The following PLXNA4 variants were observed in gnomAD, a reference collection of about 807,000 sequenced individuals.
The protein encoded by PLXNA4 is plexin-A4.
Under a neutral mutation model 191.8 loss-of-function variants are expected in PLXNA4, and 44 were observed. The ratio of observed to expected loss-of-function variants is 0.23; its 90% confidence interval spans 0.18 to 0.29. The LOEUF is 0.29. Ranked by LOEUF, PLXNA4 falls within the 10% of genes least tolerant of loss-of-function variation. PLXNA4 has a pLI of 1.00. For missense variants in PLXNA4, 1,800 were observed against 2,488.8 expected, an observed-to-expected ratio of 0.72 and a Z score of 5.89; for synonymous variants, 1,082 against 1,009.5, an observed-to-expected ratio of 1.07 and a Z score of -1.36.
intron 3 of PLXNA4, among the ~76,000 whole-genome samples, chr7:132,382,275 A>G (rs1194110789): frequency 1.3e-5 from 2 of 152,190 alleles, no homozygotes; most frequent in Non-Finnish European, 2.9e-5. Context: ...GACGCATTCC[A>G]GGCTCCAGCA....
At chr7:132,265,777 C>A (rs1004698191) in intron 4 of PLXNA4, among the ~76,000 whole-genome samples, 4 of 152,174 alleles carry the variant, frequency 2.6e-5, no homozygotes, top group Admixed American at 1.3e-4. Context: ...GCCAGCCACA[C>A]ACATGGGCAC....
At position 132,227,472 on chromosome 7, in the gene PLXNA4, G is replaced by A. The variant is rs533775501; in HGVS notation, c.1861C>T (p.Pro621Ser). The change falls in exon 7 of 32, where the codon CCC becomes TCC. Residue 621 changes from proline to serine, a missense_variant. Pro to Ser is a moderately conservative substitution (Grantham distance 74, BLOSUM62 -1). Around this residue, in one of 6 missense-constraint regions of PLXNA4, gnomAD observed 1,397 missense variants for 1,880.4 expected, o/e 0.74. Transcript: ENST00000321063. ...TCACCATTCTCTGTGATGATCCGGG[G>A]CACCTCCTTGGCTGCAGGGGAGTAG... ...QCYSPAAKEV[P>S]RIITENGDHH... The A allele has an allele frequency of 6.2e-7, 1 of 1,614,174 alleles. No homozygotes were observed.
At chr7:132,593,206 G>A (rs990282086) in intron 2 of PLXNA4, among the ~76,000 whole-genome samples, 2 of 152,202 alleles carry the variant, frequency 1.3e-5, no homozygotes, top group Non-Finnish European at 2.9e-5. Flanking sequence ...GACGCGCAGC[G>A]TGGGCTGTTG....
chr7:132,422,897 G>A (rs536933662), intron 3 of PLXNA4, among the ~76,000 whole-genome samples: 10 of 152,292 alleles, frequency 6.6e-5, no homozygotes, highest in East Asian at 5.8e-4. Context: ...CTAGCACCTC[G>A]GGAAACCTCT....
chr7:132,447,992 C>T (rs2117284512), intron 3 of PLXNA4, among the ~76,000 whole-genome samples: 1 of 152,254 alleles, frequency 6.6e-6, no homozygotes, highest in Admixed American at 6.5e-5. Context: ...GCCTGGACAA[C>T]AGATGGAGAT....
intron 1 of PLXNA4, among the ~76,000 whole-genome samples, chr7:132,560,824 A>G (rs919645459): frequency 1.3e-5 from 2 of 152,000 alleles, no homozygotes; most frequent in Non-Finnish European, 2.9e-5. Flanking sequence ...CTTCACCGCC[A>G]TATCCACCAT....
chr7:132,619,359 C>T (rs1803216319), intron 2 of PLXNA4, among the ~76,000 whole-genome samples: 1 of 152,094 alleles, frequency 6.6e-6, no homozygotes, highest in Admixed American at 6.5e-5. Context: ...CCATGCATAC[C>T]TGTCCAAAAA....
chr7:132,491,839 A>G (rs374666614), intron 2 of PLXNA4, among the ~76,000 whole-genome samples: 18 of 152,200 alleles, frequency 1.2e-4, no homozygotes, highest in African/African-American at 4.3e-4. Context: ...AAATAAGGAG[A>G]TGGGGAAGGA....
chr7:132,562,927 TC>T (rs1563175002), intron 1 of PLXNA4, among the ~76,000 whole-genome samples: 7 of 58,898 alleles, frequency 1.2e-4, no homozygotes, highest in Non-Finnish European at 2.0e-4. Context: ...CTCCTCCTCC[TC>T]TCCCTCCTCC....
chr7:132,282,608 C>T (rs1247299490), intron 4 of PLXNA4, among the ~76,000 whole-genome samples: 1 of 52,272 alleles, frequency 1.9e-5, no homozygotes, highest in Non-Finnish European at 3.6e-5. Flanking sequence ...GACCTTGTCT[C>T]AGAAAAAAAA....
At chr7:132,151,203 G>A (rs1413571829) in intron 25 of PLXNA4, among the ~76,000 whole-genome samples, 2 of 151,244 alleles carry the variant, frequency 1.3e-5, no homozygotes, top group African/African-American at 4.9e-5. Flanking sequence ...GAAAGAAGAA[G>A]AGAAGGAAGA....
intron 2 of PLXNA4, among the ~76,000 whole-genome samples, chr7:132,637,086 C>A (rs990823023): frequency 6.6e-5 from 10 of 152,158 alleles, no homozygotes; most frequent in Non-Finnish European, 1.5e-4. Context: ...AGATAGATGG[C>A]TCTAAAAGTC....
intron 1 of PLXNA4, among the ~76,000 whole-genome samples, chr7:132,510,166 G>A (rs1798651035): frequency 6.6e-6 from 1 of 152,094 alleles, no homozygotes; most frequent in Non-Finnish European, 1.5e-5. Context: ...ATCCTATCTG[G>A]GGGCATCTCA....
chr7:132,569,359 T>A (rs1465214825), intron 1 of PLXNA4, among the ~76,000 whole-genome samples: 1 of 152,204 alleles, frequency 6.6e-6, no homozygotes, highest in East Asian at 1.9e-4. Flanking sequence ...TCATAACACA[T>A]AGCTTCTTCC....
chr7:132,392,327 G>A lies in PLXNA4; in HGVS notation c.1372-94105C>T, dbSNP rs1245359482. 7.1e-4 allele frequency among the ~76,000 whole-genome samples: 108 copies of A among 152,218 alleles called. 1 individual carries two copies. Among genetic ancestry groups the A allele is most frequent in the Non-Finnish European group, 8.8e-5 (6 of 68,030 alleles). On this transcript the variant is annotated intron_variant, in intron 3 of 31. Transcript: ENST00000321063. ...AAATGAAGGAATGGAAGGGCATCAT[G>A]GAGGGAACAAAGCTAACTAACCTTC...
intron 2 of PLXNA4, among the ~76,000 whole-genome samples, chr7:132,615,202 C>A (rs1291322363): frequency 6.6e-6 from 1 of 152,048 alleles, no homozygotes; most frequent in Non-Finnish European, 1.5e-5. Context: ...CTTTGGTTAC[C>A]GGTGGAGCGG....
intron 10 of PLXNA4, among the ~76,000 whole-genome samples, chr7:132,208,714 AG>A (rs1342493890): frequency 6.6e-6 from 1 of 152,156 alleles, no homozygotes; most frequent in Non-Finnish European, 1.5e-5. Context: ...TGATTTCTTG[AG>A]GTCCAAGGAT....
chr7:132,528,616 T>C (rs1799503819), intron 1 of PLXNA4, among the ~76,000 whole-genome samples: 1 of 152,208 alleles, frequency 6.6e-6, no homozygotes, highest in Non-Finnish European at 1.5e-5. Flanking sequence ...ATATAATTTT[T>C]TTGCTCTTTA....
At chr7:132,550,790 A>C (rs1800527249) in intron 1 of PLXNA4, among the ~76,000 whole-genome samples, 1 of 52,014 alleles carries the variant, frequency 1.9e-5, no homozygotes, top group African/African-American at 5.8e-5. Context: ...ATCTGCACCT[A>C]TAGTCCCTCA....
Sources: gnomAD v4.1 joint callset for allele counts (sites outside exome capture counted in the v4.1 genomes callset) on GRCh38, gnomAD v4.1.1 for gene constraint, gnomAD v4.1.1 regional missense constraint, MANE v1.5 for transcripts, NCBI Gene and HGNC (gene_info 2026-07-23, HGNC 2026-07-21) for gene names.